NR3C2: variants seen among roughly 807,000 people sequenced by gnomAD.
NR3C2 encodes mineralocorticoid receptor.
Under a neutral mutation model 86.4 loss-of-function variants are expected in NR3C2, and 15 were observed. The observed-to-expected ratio is 0.17, with a 90% CI of 0.12 to 0.27. NR3C2 has a LOEUF of 0.27. Among genes scored for constraint, NR3C2 ranks in the 10% least tolerant of loss-of-function variants. NR3C2 has a pLI of 1.00. For missense variants in NR3C2, 960 were observed against 1,195.6 expected, an observed-to-expected ratio of 0.80 and a Z score of 2.91; for synonymous variants, 458 against 450.5, an observed-to-expected ratio of 1.02 and a Z score of -0.21.
rs754862955 is a variant in NR3C2 at position 148,436,558 on chromosome 4, T to C, written c.303A>G (p.Val101=). The C allele has an allele frequency of 3.7e-6, 6 of 1,614,246 alleles. No individual in the cohort carries two copies. Among genetic ancestry groups the C allele is most frequent in the Admixed American group, 3.3e-5 (2 of 60,032 alleles). The change falls in exon 2 of 9, where the codon GTA becomes GTG. Residue 101 remains valine (V), a synonymous_variant. Transcript: ENST00000358102. ...ELESKELSAT[V]AESMGLYMDS... is the part of the protein sequence containing the mutation. The stretch of plus-strand genomic sequence containing the variant: ...CCATATATAAACCCATGGACTCAGC[T>C]ACAGTTGCTGAAAGTTCCTTAGATT...
intron 2 of NR3C2, among the ~76,000 whole-genome samples, chr4:148,408,264 A>G (rs1748517427): frequency 6.6e-6 from 1 of 152,214 alleles, no homozygotes; most frequent in African/African-American, 2.4e-5. Flanking sequence ...GCCTCAACGA[A>G]TTAGAGAAAA....
intron 2 of NR3C2, among the ~76,000 whole-genome samples, chr4:148,334,565 A>C (rs1268815274): frequency 6.6e-6 from 1 of 152,176 alleles, no homozygotes; most frequent in African/African-American, 2.4e-5. Context: ...CAAACAAAAA[A>C]ACTTACACAA....
intron 4 of NR3C2, among the ~76,000 whole-genome samples, chr4:148,170,498 G>A (rs576620415): frequency 1.3e-5 from 2 of 150,888 alleles, no homozygotes; most frequent in South Asian, 2.1e-4. Flanking sequence ...TTGCACTTCT[G>A]ACACTGCTTG....
At chr4:148,169,209 A>C (rs1466578793) in intron 4 of NR3C2, among the ~76,000 whole-genome samples, 2 of 152,228 alleles carry the variant, frequency 1.3e-5, no homozygotes, top group Non-Finnish European at 2.9e-5. Flanking sequence ...TTAATCTTTC[A>C]TAACATTAAC....
At chr4:148,278,751 AAC>A (rs1741087109) in intron 2 of NR3C2, among the ~76,000 whole-genome samples, 1 of 152,174 alleles carries the variant, frequency 6.6e-6, no homozygotes, top group African/African-American at 2.4e-5. Flanking sequence ...TTAATTTTAA[AAC>A]ACACATATAC....
At chr4:148,086,947 A>G (rs1730842225) in intron 8 of NR3C2, among the ~76,000 whole-genome samples, 1 of 152,214 alleles carries the variant, frequency 6.6e-6, no homozygotes, top group African/African-American at 2.4e-5. Flanking sequence ...AAGAGAAAGA[A>G]AGAAAGGGTA....
At chr4:148,363,144 C>G (rs987250371) in intron 2 of NR3C2, among the ~76,000 whole-genome samples, 13 of 152,228 alleles carry the variant, frequency 8.5e-5, no homozygotes, top group Admixed American at 5.2e-4. Context: ...AAGGACAATA[C>G]GTGAAATGAC....
intron 2 of NR3C2, among the ~76,000 whole-genome samples, chr4:148,357,073 T>C (rs1171536070): frequency 6.6e-6 from 1 of 152,124 alleles, no homozygotes; most frequent in Non-Finnish European, 1.5e-5. Flanking sequence ...AATCAAAATG[T>C]TATATATTCA....
chr4:148,283,998 T>G (rs184505806), intron 2 of NR3C2, among the ~76,000 whole-genome samples: 1 of 152,230 alleles, frequency 6.6e-6, no homozygotes, highest in African/African-American at 2.4e-5. Context: ...TCAGGAAAGA[T>G]TTTCTTGACC....
chr4:148,387,001 T>C (rs1407924462), intron 2 of NR3C2, among the ~76,000 whole-genome samples: 1 of 152,188 alleles, frequency 6.6e-6, no homozygotes, highest in Non-Finnish European at 1.5e-5. Flanking sequence ...CCCAGTTTTG[T>C]GCAGAGCAAC....
At chr4:148,089,167 G>A (rs1415287681) in intron 8 of NR3C2, among the ~76,000 whole-genome samples, 1 of 152,170 alleles carries the variant, frequency 6.6e-6, no homozygotes, top group Non-Finnish European at 1.5e-5. Flanking sequence ...CAGGAATCAA[G>A]AAAATCTCAT....
At chr4:148,426,204 G>A (rs575460591) in intron 2 of NR3C2, among the ~76,000 whole-genome samples, 2 of 152,212 alleles carry the variant, frequency 1.3e-5, no homozygotes, top group East Asian at 3.9e-4. Flanking sequence ...TCCACCCCAT[G>A]CCCCAGGTTC....
intron 2 of NR3C2, among the ~76,000 whole-genome samples, chr4:148,384,620 C>T (rs945905072): frequency 6.6e-6 from 1 of 152,078 alleles, no homozygotes; most frequent in African/African-American, 2.4e-5. Context: ...TTTCCCAATA[C>T]GACAGGTTCT....
chr4:148,262,517 G>A (rs1344814531), intron 2 of NR3C2, among the ~76,000 whole-genome samples: 5 of 151,890 alleles, frequency 3.3e-5, no homozygotes, highest in South Asian at 2.1e-4. Context: ...GCCTCCAAAC[G>A]TGTTCATTTC....
intron 2 of NR3C2, among the ~76,000 whole-genome samples, chr4:148,298,831 T>C (rs968838283): frequency 6.6e-6 from 1 of 152,244 alleles, no homozygotes; most frequent in African/African-American, 2.4e-5. Flanking sequence ...ATATACTTGA[T>C]GAATAAGCAA....
chr4:148,262,263 G>A (rs1740161842), intron 2 of NR3C2, among the ~76,000 whole-genome samples: 3 of 151,486 alleles, frequency 2.0e-5, no homozygotes, highest in Admixed American at 6.6e-5. Flanking sequence ...ATTTTATTGG[G>A]ATCTTACCTT....
At chr4:148,206,856 G>T (rs985627707) in intron 3 of NR3C2, among the ~76,000 whole-genome samples, 4 of 152,160 alleles carry the variant, frequency 2.6e-5, no homozygotes, top group Non-Finnish European at 5.9e-5. Flanking sequence ...ACTCAGGCTT[G>T]TGGGCTACCA....
rs1354139146 is a variant in NR3C2, at chr4:148,338,042, TA to T, written c.1758-77926del. Among the ~76,000 whole-genome samples the T allele has an allele frequency of 3.3e-5, 5 of 152,308 alleles. No homozygotes were observed. In the East Asian group the frequency reaches 9.6e-4, roughly 29 times the overall value. On this transcript the variant is annotated intron_variant, in intron 2 of 8. Coordinates refer to ENST00000358102, the MANE Select transcript of NR3C2 (RefSeq NM_000901.5). ...TTTTCCCTATTTGTAGCATTGGGAT[TA>T]AATAAAACGGGTCTCATTAATGTAC...
At chr4:148,144,011 C>A (rs12639977) in intron 6 of NR3C2, among the ~76,000 whole-genome samples, 39,346 of 147,852 alleles carry the variant, frequency 0.27, 5,854 homozygotes, top group East Asian at 0.6. Context: ...CCCCTCAGTT[C>A]TCGTCTTAAG....
Sources: gnomAD v4.1 joint callset for allele counts (sites outside exome capture counted in the v4.1 genomes callset) on GRCh38, gnomAD v4.1.1 for gene constraint, MANE v1.5 for transcripts, NCBI Gene and HGNC (gene_info 2026-07-23, HGNC 2026-07-21) for gene names.